Variants in ARHGEF10 observed in about 807,000 individuals in gnomAD.
ARHGEF10 encodes Rho guanine nucleotide exchange factor 10.
In ARHGEF10, 140 loss-of-function variants were observed where a neutral mutation model predicts 147.4. That is an observed-to-expected ratio of 0.95 (90% CI 0.83 to 1.09). The LOEUF (loss-of-function observed/expected upper bound fraction) is 1.09. Ranked by LOEUF, ARHGEF10 falls within the 50% of genes least tolerant of loss-of-function variation. ARHGEF10 has a pLI of 0.00. For missense variants in ARHGEF10, 2,222 were observed against 1,752.7 expected (o/e 1.27, Z -4.78); for synonymous variants, 902 against 695.8 (o/e 1.30, Z -4.67).
At position 1,892,323 on chromosome 8, in the gene ARHGEF10, GTGTGTT is replaced by G. The variant is rs1232028155; in HGVS notation, c.1183-1244_1183-1239del. On this transcript the variant is annotated intron_variant, in intron 11 of 28. Coordinates refer to ENST00000349830, the MANE Select transcript of ARHGEF10 (RefSeq NM_014629.4). ...TGTGTGTGTGTGTGTGTGTGTGTGTGTGTGTTTAATCCCAGCGATACCTGTATTTTT... is the reference window on the plus strand; with the variant it reads ...TGTGTGTGTGTGTGTGTGTGTGTGTGTAATCCCAGCGATACCTGTATTTTT... 4.5e-4 allele frequency among the ~76,000 whole-genome samples: 62 copies of G among 138,840 alleles called. 1 individual carries two copies. In the East Asian group the frequency reaches 4.6e-3, roughly 10 times the overall value. 91.1% of individuals were successfully genotyped at this position (138,840 alleles called of 152,430 possible).
At chr8:1,944,550 G>GCTGT (rs1814403658) in intron 26 of ARHGEF10, among the ~76,000 whole-genome samples, 1 of 152,224 alleles carries the variant, frequency 6.6e-6, no homozygotes, top group Non-Finnish European at 1.5e-5. Context: ...CACCATGGGG[G>GCTGT]CTGTCGTCTT....
rs200452240 is a variant in ARHGEF10 at position 1,945,671 on chromosome 8, G to A, written c.3397+16G>A. 1.3e-4 allele frequency: 217 copies of A among 1,613,614 alleles called. 1 individual carries two copies. Among genetic ancestry groups the A allele is most frequent in the Middle Eastern group, 1.6e-4 (1 of 6,082 alleles). On this transcript the variant is annotated intron_variant, in intron 27 of 28. Coordinates refer to ENST00000349830, the MANE Select transcript of ARHGEF10 (RefSeq NM_014629.4). ...ATGCTGCCAGGTAAGGGGACGGGAC[G>A]GGGCCCAGGGATGGGACAGCAACCG... is the stretch of plus-strand genomic sequence containing the variant.
chr8:1,852,067 G>A (rs4410947), intron 2 of ARHGEF10, among the ~76,000 whole-genome samples: 67,044 of 151,948 alleles, frequency 0.44, 16,384 homozygotes, highest in Non-Finnish European at 0.56. Flanking sequence ...TCAGGCCTGC[G>A]AGGTCCACTA....
chr8:1,923,528 A>C lies in ARHGEF10; in HGVS notation c.2320A>C (p.Lys774Gln), dbSNP rs777993053. The change falls in exon 20 of 29, where the codon AAA (lysine) becomes CAA (glutamine). Residue 774 changes from lysine (K) to glutamine (Q), a missense_variant. Transcript: ENST00000349830. ...TSGLQRLILK[K>Q]EDEIRAADCC... ...AGGTTTACAAAGGCTTATTTTGAAG[A>C]AAGAAGATGAAATCAGAGCTGCGGA... is the stretch of plus-strand genomic sequence containing the variant. The C allele has an allele frequency of 3.6e-5, 58 of 1,614,108 alleles. 2 individuals are homozygous for C. In the South Asian group the frequency reaches 6.0e-4, roughly 17 times the overall value.
intron 9 of ARHGEF10, among the ~76,000 whole-genome samples, chr8:1,881,095 G>A (rs892655126): frequency 2.1e-4 from 32 of 152,302 alleles, no homozygotes; most frequent in African/African-American, 7.7e-4. Flanking sequence ...GGTTTTCACA[G>A]ACACGGGGAG....
chr8:1,909,012 G>T (rs897147883), intron 17 of ARHGEF10, among the ~76,000 whole-genome samples: 7 of 152,138 alleles, frequency 4.6e-5, no homozygotes, highest in Non-Finnish European at 1.0e-4. Flanking sequence ...AGCAAGCACC[G>T]AGCTGCTTCC....
intron 11 of ARHGEF10, among the ~76,000 whole-genome samples, chr8:1,889,155 GAGACGCTGAGTTGGGGGGTTGTGA>G (rs1809141624): frequency 1.9e-5 from 2 of 104,520 alleles, no homozygotes; most frequent in African/African-American, 7.7e-5. Flanking sequence ...GGGTTGTGAG[GAGACGCTGAGTTGGGGGGTTGTGA>G]GGAGAGCGTG....
Position 1,909,275 on chromosome 8 carries a change from G to C in ARHGEF10, c.1968-20G>C. The C allele has an allele frequency of 1.2e-6, 2 of 1,614,224 alleles. No individual in the cohort carries two copies. The highest frequency in any genetic ancestry group is 1.7e-6 in the Non-Finnish European group (2 of 1,180,048). ...GTTCATGTAATTATTCGTAAAACAA[G>C]GATCTTTTGGTCGTTTCAGCCCCTC... On this transcript the variant is annotated intron_variant, in intron 17 of 28. Transcript: ENST00000349830.
At position 1,880,101 on chromosome 8, in the gene ARHGEF10, T is replaced by C. The variant is rs964706507; in HGVS notation, c.897T>C (p.Asp299=). The C allele has an allele frequency of 1.9e-6, 3 of 1,614,004 alleles. No homozygotes were observed. Among genetic ancestry groups the C allele is most frequent in the Admixed American group, 1.7e-5 (1 of 59,998 alleles). The change falls in exon 9 of 29, where the codon GAT becomes GAC. Residue 299 remains aspartate (D), a synonymous_variant. Coordinates refer to ENST00000349830, the MANE Select transcript of ARHGEF10 (RefSeq NM_014629.4). ...AGCACTATGAGAAAAAGATGAGAGA[T>C]TTGATGGCAAGCACGGTGGGCGTGG... ...LKEHYEKKMR[D]LMASTVGVVE...
In ARHGEF10 at chr8:1,957,505, T is replaced by A; in HGVS notation, c.*242T>A. 1 of 612,558 alleles carries A rather than the reference T, an allele frequency of 1.6e-6. No homozygotes were observed. 37.9% of individuals were successfully genotyped at this position (612,558 alleles called of 1,614,324 possible). A position where few individuals can be genotyped will look rare whatever the true frequency, so the allele number is the denominator to read the frequency against. ...GCAGAAGACTGATGCAATTTTCGAGTAATTGAGTGCAGTTCTGGGAAAATA... is the reference window on the plus strand; with the variant it reads ...GCAGAAGACTGATGCAATTTTCGAGAAATTGAGTGCAGTTCTGGGAAAATA... On this transcript the variant is annotated 3_prime_UTR_variant, in exon 29 of 29. Coordinates refer to ENST00000349830, the MANE Select transcript of ARHGEF10 (RefSeq NM_014629.4).
intron 2 of ARHGEF10, 83 bp from the exon 3 acceptor site, chr8:1,857,874 CGAT>C: frequency 2.3e-6 from 1 of 431,452 alleles, no homozygotes; most frequent in South Asian, 3.5e-5. Context: ...TAACATAGAT[CGAT>C]CGATCTATCT....
intron 25 of ARHGEF10, among the ~76,000 whole-genome samples, chr8:1,929,709 C>G (rs535226580): frequency 1.3e-5 from 2 of 152,228 alleles, no homozygotes; most frequent in Non-Finnish European, 2.9e-5. Flanking sequence ...TTCTCCCCCT[C>G]GGATGGGGGC....
chr8:1,955,507 C>A (rs1057159765), intron 28 of ARHGEF10, among the ~76,000 whole-genome samples: 46 of 149,036 alleles, frequency 3.1e-4, no homozygotes, highest in African/African-American at 1.1e-3. Context: ...CACTGTTTCT[C>A]TGGATGGGTA....
chr8:1,927,254 G>C (rs1257185107), intron 23 of ARHGEF10: 1 of 152,706 alleles, frequency 6.5e-6, no homozygotes, highest in East Asian at 1.9e-4. Flanking sequence ...GACCTGTCAT[G>C]GCTGAAGCTT....
intron 1 of ARHGEF10, among the ~76,000 whole-genome samples, chr8:1,831,168 G>C (rs1478173491): frequency 2.6e-5 from 4 of 152,114 alleles, no homozygotes; most frequent in Non-Finnish European, 1.5e-5. Context: ...ATGTGACAGA[G>C]AGCTGTAGCA....
In ARHGEF10 at chr8:1,923,769, G is replaced by T. The variant is rs772866317; in HGVS notation, c.2388-5G>T. The T allele has an allele frequency of 4.6e-5, 74 of 1,614,034 alleles. No individual in the cohort carries two copies. The highest frequency in any genetic ancestry group is 6.1e-5 in the Non-Finnish European group (72 of 1,180,038). ...AAATGAATGCTTGTCTGTTGTTTCT[G>T]GCAGATCTGGGCGACCGACGTTCTT... On this transcript the variant is annotated splice_region_variant and splice_polypyrimidine_tract_variant and intron_variant, in intron 20 of 28. Transcript: ENST00000349830.
chr8:1,882,503 G>A, intron 9 of ARHGEF10, 132 bp from the exon 10 acceptor site: 1 of 802,380 alleles, frequency 1.2e-6, no homozygotes, highest in Non-Finnish European at 2.2e-6. Context: ...ACAAAACCTA[G>A]CCCAGAACTG....
At chr8:1,881,639 G>A (rs912818014) in intron 9 of ARHGEF10, among the ~76,000 whole-genome samples, 3 of 152,292 alleles carry the variant, frequency 2.0e-5, no homozygotes, top group Admixed American at 1.3e-4. Flanking sequence ...GAGGCCGTGC[G>A]TGTTGTGTGG....
chr8:1,874,436 G>A (rs1807469747), intron 7 of ARHGEF10, among the ~76,000 whole-genome samples: 1 of 152,146 alleles, frequency 6.6e-6, no homozygotes. Flanking sequence ...GCTCTCAAAG[G>A]GCTGAAAATC....
Sources: allele counts gnomAD v4.1 joint callset (sites outside exome capture counted in the v4.1 genomes callset), GRCh38; gene constraint gnomAD v4.1.1; transcripts MANE v1.5; gene names NCBI Gene and HGNC (gene_info 2026-07-23, HGNC 2026-07-21).